NUP85: variants seen among roughly 807,000 people sequenced by gnomAD.
NUP85 encodes nuclear pore complex protein Nup85.
A neutral mutation model predicts 92.8 loss-of-function variants in NUP85; 23 were observed. That is an observed-to-expected ratio of 0.25 (90% CI 0.18 to 0.35). The LOEUF is 0.35. Ranked by LOEUF, NUP85 falls within the 10% of genes least tolerant of loss-of-function variation. The pLI is 1.00. For missense variants in NUP85, 759 were observed against 822.8 expected, an observed-to-expected ratio of 0.92 and a Z score of 0.95; for synonymous variants, 314 against 306.9, an observed-to-expected ratio of 1.02 and a Z score of -0.24.
intron 8 of NUP85, 51 bp downstream of exon 8, chr17:75,225,288 C>T: frequency 6.2e-7 from 1 of 1,610,580 alleles, no homozygotes; most frequent in Non-Finnish European, 8.5e-7. Context: ...GCGTGATTCA[C>T]TAAATATAAA....
Position 75,225,467 on chromosome 17 carries a change from C to T in NUP85, c.855+3C>T, listed in dbSNP as rs2075754385. 6.2e-7 allele frequency: 1 copy of T among 1,612,980 alleles called. No individual in the cohort carries two copies. The highest frequency in any genetic ancestry group is 1.3e-5 in the African/African-American group (1 of 74,918). On this transcript the variant is annotated splice_donor_region_variant and intron_variant, in intron 9 of 18. Coordinates refer to ENST00000245544, the MANE Select transcript of NUP85 (RefSeq NM_024844.5). ...CTCACCTGGAGTCTCTCTTGAAGGT[C>T]TGGGAAGCAGTTCAGATTGCATCCA... is the stretch of plus-strand genomic sequence containing the variant.
At chr17:75,223,991 C>G (rs1465552333) in intron 7 of NUP85, among the ~76,000 whole-genome samples, 2 of 152,134 alleles carry the variant, frequency 1.3e-5, no homozygotes, top group African/African-American at 4.8e-5. Context: ...TGGTTCTTCT[C>G]CAGTCCCTCC....
At chr17:75,218,444 CT>C in intron 7 of NUP85, 138 bp downstream of exon 7, 2 of 995,642 alleles carry the variant, frequency 2.0e-6, no homozygotes, top group Non-Finnish European at 3.0e-6. Context: ...TCTTTTGGAT[CT>C]TTTCTTCCCT....
chr17:75,234,600 A>C (rs2076251444), intron 16 of NUP85, 37 bp from the exon 17 acceptor site: 1 of 1,607,504 alleles, frequency 6.2e-7, no homozygotes, highest in African/African-American at 1.3e-5. Context: ...AATTTGGGGG[A>C]ATATGCAGGT....
At chr17:75,230,967 T>C (rs2076033576) in intron 11 of NUP85, among the ~76,000 whole-genome samples, 1 of 149,818 alleles carries the variant, frequency 6.7e-6, no homozygotes, top group African/African-American at 2.5e-5. Context: ...GGTTGTGCTC[T>C]CTCACCCAAG....
chr17:75,214,490 A>C (rs1476166768), intron 5 of NUP85, among the ~76,000 whole-genome samples: 1 of 152,158 alleles, frequency 6.6e-6, no homozygotes, highest in Non-Finnish European at 1.5e-5. Context: ...TACGTGTTTC[A>C]TGTCATCTAC....
At chr17:75,226,288 T>A (rs1220025604) in intron 11 of NUP85, 131 bp downstream of exon 11, 1 of 666,664 alleles carries the variant, frequency 1.5e-6, no homozygotes, top group Non-Finnish European at 2.7e-6. Context: ...CATCTCACGC[T>A]GATATTACAG....
chr17:75,222,080 G>C (rs371322130), intron 7 of NUP85, among the ~76,000 whole-genome samples: 10 of 152,090 alleles, frequency 6.6e-5, no homozygotes, highest in South Asian at 4.1e-4. Context: ...CAAAGTCTCT[G>C]TTGCCCATGT....
Position 75,208,537 on chromosome 17 carries a change from G to T in NUP85, c.44G>T (p.Gly15Val). Residue 15 changes from glycine (G) to valine (V), a missense_variant, in exon 2 of 19, where the codon GGC becomes GTC. By Grantham distance (109) the Gly-to-Val change is moderately radical. Coordinates refer to ENST00000245544, the MANE Select transcript of NUP85 (RefSeq NM_024844.5). Reference sequence around the variant, plus strand: ...GCCTTATTTTACTAGTTGATTCCAGGCGTGAATTCCAAGAAGAACCAAATG... The same window carrying T: ...GCCTTATTTTACTAGTTGATTCCAGTCGTGAATTCCAAGAAGAACCAAATG... Reference protein sequence around the residue: ...DGEPTVTLIPGVNSKKNQMYF... With the variant: ...DGEPTVTLIPVVNSKKNQMYF... 3 of 1,583,450 alleles carry T rather than the reference G, an allele frequency of 1.9e-6. No individual in the cohort carries two copies. The highest frequency in any genetic ancestry group is 2.6e-6 in the Non-Finnish European group (3 of 1,152,870).
At chr17:75,206,929 A>G (rs1162588385) in intron 1 of NUP85, among the ~76,000 whole-genome samples, 1 of 151,884 alleles carries the variant, frequency 6.6e-6, no homozygotes, top group Non-Finnish European at 1.5e-5. Flanking sequence ...GGATGGTCTC[A>G]ATCTCCTGAC....
In NUP85 at chr17:75,233,176, G is replaced by T; in HGVS notation, c.1615+18G>T. 1 of 1,610,670 alleles carries T rather than the reference G, an allele frequency of 6.2e-7. No homozygotes were observed. Among genetic ancestry groups the T allele is most frequent in the African/African-American group, 1.3e-5 (1 of 74,948 alleles). On this transcript the variant is annotated intron_variant, in intron 16 of 18. Coordinates refer to ENST00000245544, the MANE Select transcript of NUP85 (RefSeq NM_024844.5). ...ATTCCTGGGTGAGTCTCTGGGTTTT[G>T]TGCCCTGTGCTTTGGGCACAAGTGG... is the stretch of plus-strand genomic sequence containing the variant.
chr17:75,216,085 G>GTTGTCA (rs755036372), intron 6 of NUP85, among the ~76,000 whole-genome samples: 1 of 152,080 alleles, frequency 6.6e-6, no homozygotes, highest in Non-Finnish European at 1.5e-5. Flanking sequence ...TGTGAAAGGG[G>GTTGTCA]GTGTCAGTGT....
chr17:75,235,667 G>T lies in NUP85; in HGVS notation c.1959G>T (p.Leu653=). ...LARAIIREGS[L]EGS ...GGGCAATTATAAGAGAAGGCTCACT[G>T]GAAGGTTCCTGAGAACTGCTTCAAT... The change falls in exon 19 of 19, where the codon CTG becomes CTT. Residue 653 remains leucine (L), a synonymous_variant. Transcript: ENST00000245544. 1 of 1,612,972 alleles carries T rather than the reference G, an allele frequency of 6.2e-7. No homozygotes were observed. Among genetic ancestry groups the T allele is most frequent in the African/African-American group, 1.3e-5 (1 of 75,032 alleles).
At chr17:75,207,133 T>A (rs1245245849) in intron 1 of NUP85, among the ~76,000 whole-genome samples, 2 of 151,968 alleles carry the variant, frequency 1.3e-5, no homozygotes, top group South Asian at 2.1e-4. Context: ...TCACAAGGAA[T>A]TTCCTTGTGA....
intron 2 of NUP85, 38 bp downstream of exon 2, chr17:75,208,658 C>A: frequency 8.5e-7 from 1 of 1,182,542 alleles, no homozygotes; most frequent in Non-Finnish European, 1.3e-6. Flanking sequence ...CATCTTGGCA[C>A]ATTTGGTTGT....
At chr17:75,212,091 T>TGA in intron 4 of NUP85, 29 bp downstream of exon 4, 1 of 1,293,438 alleles carries the variant, frequency 7.7e-7, no homozygotes, top group Non-Finnish European at 1.1e-6. Flanking sequence ...TGCGCGCGTG[T>TGA]GTGTGTGTGT....
chr17:75,233,206 T>A, intron 16 of NUP85, 48 bp downstream of exon 16: 1 of 1,514,958 alleles, frequency 6.6e-7, no homozygotes, highest in African/African-American at 1.4e-5. Flanking sequence ...AAGTGGGTAG[T>A]TGGGGAGGTT....
In NUP85 at chr17:75,205,730, G is replaced by A. The variant is rs201062090; in HGVS notation, c.-32G>A. On this transcript the variant is annotated 5_prime_UTR_variant, in exon 1 of 19. Transcript: ENST00000245544. ...GCCTGAGCGGGAAGCATTGGCGTCC[G>A]AGCGACTTCTAGGAGCCTGGGGTTC... is the stretch of plus-strand genomic sequence containing the variant. 1.5e-5 allele frequency: 24 copies of A among 1,614,078 alleles called. No homozygotes were observed. The East Asian group carries it at 2.9e-4, about 19-fold the overall frequency.
rs958398239 is a variant in NUP85 at position 75,231,670 on chromosome 17, G to C, written c.1244+32G>C. The C allele has an allele frequency of 6.4e-7, 1 of 1,569,382 alleles. No individual in the cohort carries two copies. Among genetic ancestry groups the C allele is most frequent in the East Asian group, 2.5e-5 (1 of 39,424 alleles). On this transcript the variant is annotated intron_variant, in intron 13 of 18. Coordinates refer to ENST00000245544, the MANE Select transcript of NUP85 (RefSeq NM_024844.5). The surrounding 1 kb of genome is among the most constrained non-coding windows in gnomAD (Gnocchi z 4.6). ...AGGACCCCATGGGTGTGGGCTATGC[G>C]GGTGCTCTTCAGCATGCGGGTGCCA...
Sources: gnomAD v4.1 joint callset for allele counts (sites outside exome capture counted in the v4.1 genomes callset) on GRCh38, gnomAD v4.1.1 for gene constraint, Gnocchi (gnomAD v3.1) non-coding constraint, MANE v1.5 for transcripts, NCBI Gene and HGNC (gene_info 2026-07-23, HGNC 2026-07-21) for gene names.